ADCY7: variants seen among roughly 807,000 people sequenced by gnomAD.
The protein encoded by ADCY7 is adenylate cyclase type 7.
In ADCY7, 72 loss-of-function variants were observed where a neutral mutation model predicts 120.6. That is an observed-to-expected ratio of 0.60 (90% CI 0.49 to 0.73). The LOEUF (loss-of-function observed/expected upper bound fraction) is 0.73. Among genes scored for constraint, ADCY7 ranks in the 30% least tolerant of loss-of-function variants. The probability of loss-of-function intolerance (pLI) is 0.00; values close to 1 mark genes in which losing one functional copy is unlikely to be tolerated. For synonymous variants in ADCY7, 661 were observed against 628.0 expected (o/e 1.05, Z -0.78); for missense variants, 1,227 against 1,486.0 (o/e 0.83, Z 2.87).
At chr16:50,289,272 G>A (rs756093342) in intron 2 of ADCY7, 102 of 411,168 alleles carry the variant, frequency 2.5e-4, no homozygotes, top group Admixed American at 5.5e-4. Context: ...CTGGCCTCAA[G>A]TAATCCTCCT....
intron 7 of ADCY7, 124 bp from the exon 8 acceptor site, chr16:50,298,780 C>CCCAGGAGGCAAGCCCCCAG: frequency 7.2e-7 from 1 of 1,384,616 alleles, no homozygotes; most frequent in East Asian, 2.4e-5. Flanking sequence ...GTGACTGGAC[C>CCCAGGAGGCAAGCCCCCAG]CCAGGAGGCA....
Position 50,301,181 on chromosome 16 carries a change from G to A in ADCY7, c.1335G>A (p.Met445Ile), listed in dbSNP as rs956467655. The A allele has an allele frequency of 1.2e-6, 2 of 1,609,728 alleles. No homozygotes were observed. Among genetic ancestry groups the A allele is most frequent in the Admixed American group, 3.4e-5 (2 of 59,280 alleles). ...AGCGGGACCCCTACCTCAAGGAGAT[G>A]AACATCCGCACCTACCTGGTCATCG... ...GQQRDPYLKE[M>I]NIRTYLVIDP... Residue 445 changes from methionine (M) to isoleucine (I), a missense_variant, in exon 10 of 26, where the codon ATG becomes ATA. Physicochemically the swap from Met to Ile is conservative, Grantham distance 10. This residue lies in a region of ADCY7 where 332 missense variants were observed against 455.8 expected (regional missense o/e 0.73). Coordinates refer to ENST00000673801, the MANE Select transcript of ADCY7 (RefSeq NM_001114.5).
Position 50,304,949 on chromosome 16 carries a change from A to G in ADCY7, c.1585A>G (p.Thr529Ala), listed in dbSNP as rs759390508. Residue 529 changes from threonine (T) to alanine (A), a missense_variant, in exon 12 of 26, where the codon ACC (threonine) becomes GCC (alanine). By Grantham distance (58) the Thr-to-Ala change is moderately conservative. Transcript: ENST00000673801. ...GAGCGTTCCCCAGCGCCACCGCCGG[A>G]CCCCAGACAGGTGCGTGCCCTGCCC... ...PKSVPQRHRRTPDRSMSPKGR... is the reference protein window; with the variant it reads ...PKSVPQRHRRAPDRSMSPKGR... The G allele has an allele frequency of 1.9e-6, 3 of 1,613,264 alleles. No individual in the cohort carries two copies. Among genetic ancestry groups the G allele is most frequent in the East Asian group, 2.2e-5 (1 of 44,858 alleles).
intron 20 of ADCY7, 48 bp downstream of exon 20, chr16:50,311,834 C>T (rs1299237511): frequency 7.4e-7 from 1 of 1,353,652 alleles, no homozygotes; most frequent in Non-Finnish European, 1.0e-6. Flanking sequence ...CCCACTTTTC[C>T]TCACCTCCAT....
chr16:50,291,827 C>T lies in ADCY7; in HGVS notation c.467C>T (p.Ala156Val). 6.2e-7 allele frequency: 1 copy of T among 1,614,092 alleles called. No homozygotes were observed. Among genetic ancestry groups the T allele is most frequent in the Non-Finnish European group, 8.5e-7 (1 of 1,179,954 alleles). ...GAVAVGAVST[A>V]SHLLVLGSLM... is the part of the protein sequence containing the mutation. Reference sequence around the variant, plus strand: ...GTCGCCGTTGGGGCCGTCTCCACTGCCTCCCACCTCCTGGTGCTCGGTTCT... The same window carrying T: ...GTCGCCGTTGGGGCCGTCTCCACTGTCTCCCACCTCCTGGTGCTCGGTTCT... Residue 156 changes from alanine (A) to valine (V), a missense_variant, in exon 4 of 26, where the codon GCC becomes GTC. Around this residue, in one of 5 missense-constraint regions of ADCY7, gnomAD observed 382 missense variants for 411.4 expected, o/e 0.93. Coordinates refer to ENST00000673801, the MANE Select transcript of ADCY7 (RefSeq NM_001114.5).
intron 1 of ADCY7, among the ~76,000 whole-genome samples, chr16:50,261,515 C>T (rs2033057153): frequency 1.3e-5 from 2 of 150,874 alleles, no homozygotes; most frequent in South Asian, 2.1e-4. Context: ...GAAGGAGGGG[C>T]AGGCACGTCG....
rs547124061 is a variant in ADCY7, at chr16:50,299,275, GGTGAT to G, written c.1076+249_1076+253del. Reference sequence around the variant, plus strand: ...AAAGCATCTCCGGAGCTCAGAGCTGGGTGATGTGAGGTCAGGGCGGTGGGCTCCGC... The same window carrying G: ...AAAGCATCTCCGGAGCTCAGAGCTGGGTGAGGTCAGGGCGGTGGGCTCCGC... On this transcript the variant is annotated intron_variant, in intron 8 of 25. Transcript: ENST00000673801. 2.1e-3 allele frequency among the ~76,000 whole-genome samples: 325 copies of G among 152,370 alleles called. 8 individuals carry two copies. The highest frequency in any genetic ancestry group is 3.4e-3 in the Admixed American group (52 of 15,310).
upstream of ADCY7, among the ~76,000 whole-genome samples, chr16:50,261,611 G>A (rs759798494): frequency 1.1e-4 from 16 of 152,290 alleles, no homozygotes; most frequent in Admixed American, 5.9e-4. Context: ...CCCACCATGT[G>A]CCTTGTCGGC....
At chr16:50,263,555 T>C (rs7204071), upstream of ADCY7, among the ~76,000 whole-genome samples, 152,203 of 152,244 alleles carry the variant, frequency 1, 76,082 homozygotes, top group Middle Eastern at 1. Flanking sequence ...CTCTGCTGTA[T>C]GGCCAGTTTA....
intron 1 of ADCY7, among the ~76,000 whole-genome samples, chr16:50,271,929 A>G (rs957946643): frequency 6.6e-6 from 1 of 152,058 alleles, no homozygotes; most frequent in Non-Finnish European, 1.5e-5. Flanking sequence ...GGACGCCGGG[A>G]TACCCTCTTC....
At chr16:50,267,431 G>C (rs1217121789) in intron 1 of ADCY7, among the ~76,000 whole-genome samples, 1 of 152,230 alleles carries the variant, frequency 6.6e-6, no homozygotes, top group East Asian at 1.9e-4. Context: ...AGGGAGGGCC[G>C]GGAGGGGGAA....
intron 21 of ADCY7, 120 bp from the exon 22 acceptor site, chr16:50,312,769 TC>T: frequency 1.3e-6 from 1 of 753,384 alleles, no homozygotes; most frequent in Non-Finnish European, 1.9e-6. Flanking sequence ...CCCGCCCCCC[TC>T]CCCACTCCCC....
intron 1 of ADCY7, among the ~76,000 whole-genome samples, chr16:50,287,056 G>A (rs1427414338): frequency 2.7e-5 from 4 of 148,762 alleles, no homozygotes; most frequent in Admixed American, 2.7e-4. Context: ...TCACTCTGTT[G>A]CCCAGGCTGG....
At chr16:50,300,915 C>G in intron 9 of ADCY7, 42 bp downstream of exon 9, 1 of 1,543,870 alleles carries the variant, frequency 6.5e-7, no homozygotes, top group Non-Finnish European at 8.7e-7. Flanking sequence ...AGGCCTGGGG[C>G]TGGCTGTGGA....
chr16:50,297,173 G>C lies in ADCY7; in HGVS notation c.949-1731G>C, dbSNP rs1475107281. ...TCCCAGTCAGAGCATCTAATCTCTGGGCAGAGTTGGGCAGGGCTGGTCCCA... is the reference window on the plus strand; with the variant it reads ...TCCCAGTCAGAGCATCTAATCTCTGCGCAGAGTTGGGCAGGGCTGGTCCCA... On this transcript the variant is annotated intron_variant, in intron 7 of 25. Transcript: ENST00000673801. This position sits in a 1 kb window ranked among gnomAD's most constrained non-coding sequence, Gnocchi z 4.4. Among the ~76,000 whole-genome samples, 1 of 152,226 alleles carries C rather than the reference G, an allele frequency of 6.6e-6. No homozygotes were observed. The highest frequency in any genetic ancestry group is 1.9e-4 in the East Asian group (1 of 5,192).
At chr16:50,249,930 G>C (rs1054100904) in intron 1 of ADCY7, among the ~76,000 whole-genome samples, 1 of 151,838 alleles carries the variant, frequency 6.6e-6, no homozygotes, top group Non-Finnish European at 1.5e-5. Flanking sequence ...TAACAACAAA[G>C]GTCTTTCTTT....
chr16:50,275,910 C>T (rs2033858674), intron 1 of ADCY7, among the ~76,000 whole-genome samples: 1 of 152,168 alleles, frequency 6.6e-6, no homozygotes, highest in South Asian at 2.1e-4. Flanking sequence ...CTTGGGTAGC[C>T]CAGCCCATTC....
intron 8 of ADCY7, 61 bp downstream of exon 8, chr16:50,299,092 G>C: frequency 6.6e-7 from 1 of 1,519,306 alleles, no homozygotes; most frequent in Non-Finnish European, 8.8e-7. Flanking sequence ...CCTGGGCATG[G>C]TAGGGGATGT....
chr16:50,300,215 C>T (rs1488128851), intron 8 of ADCY7, among the ~76,000 whole-genome samples: 5 of 152,154 alleles, frequency 3.3e-5, no homozygotes, highest in Admixed American at 6.5e-5. Context: ...GGACTACAGG[C>T]GCCTGCTACC....
Sources: gnomAD v4.1 joint callset for allele counts (sites outside exome capture counted in the v4.1 genomes callset) on GRCh38, gnomAD v4.1.1 for gene constraint, gnomAD v4.1.1 regional missense constraint, Gnocchi (gnomAD v3.1) non-coding constraint, MANE v1.5 for transcripts, NCBI Gene and HGNC (gene_info 2026-07-23, HGNC 2026-07-21) for gene names.